Variants in CREB5 observed in about 807,000 individuals in gnomAD.
CREB5 encodes the protein cAMP responsive element binding protein 5.
Under a neutral mutation model 57.1 loss-of-function variants are expected in CREB5, and 19 were observed. That is an observed-to-expected ratio of 0.33 (90% CI 0.23 to 0.49). The LOEUF (loss-of-function observed/expected upper bound fraction) is 0.49, where lower values mean the gene tolerates loss of function less well. CREB5 is among the 20% of genes least tolerant of loss of function. The pLI is 0.99. For missense variants in CREB5, 579 were observed against 671.6 expected (o/e 0.86, Z 1.52); for synonymous variants, 238 against 238.3 (o/e 1.00, Z 0.01).
intron 4 of CREB5, 53 bp downstream of exon 4, chr7:28,507,790 G>A (rs1029667113): frequency 4.7e-5 from 73 of 1,552,454 alleles, no homozygotes; most frequent in South Asian, 1.4e-4. Flanking sequence ...AAACTTCCAC[G>A]AGGAAACTAG....
intron 1 of CREB5, among the ~76,000 whole-genome samples, chr7:28,481,879 G>C (rs1237084234): frequency 2.0e-5 from 3 of 152,152 alleles, no homozygotes; most frequent in Non-Finnish European, 4.4e-5. Context: ...CACAGAAAGA[G>C]AGAGAGACAC....
chr7:28,445,199 G>A (rs530326066), intron 1 of CREB5, among the ~76,000 whole-genome samples: 18 of 152,256 alleles, frequency 1.2e-4, no homozygotes, highest in African/African-American at 4.1e-4. Flanking sequence ...GTGGAACTGC[G>A]AGTCAATTAA....
chr7:28,487,506 A>T (rs890792916), intron 1 of CREB5, among the ~76,000 whole-genome samples: 2 of 152,058 alleles, frequency 1.3e-5, no homozygotes, highest in East Asian at 1.9e-4. Context: ...ATCCAACGTT[A>T]TGTTTTTGGC....
chr7:28,713,880 G>T (rs1219428208), intron 5 of CREB5, among the ~76,000 whole-genome samples: 1 of 151,856 alleles, frequency 6.6e-6, no homozygotes, highest in Non-Finnish European at 1.5e-5. Flanking sequence ...TTTTAATTCT[G>T]TTCTCCACCA....
chr7:28,798,963 A>T (rs1808212860), intron 7 of CREB5, among the ~76,000 whole-genome samples: 1 of 152,190 alleles, frequency 6.6e-6, no homozygotes, highest in African/African-American at 2.4e-5. Context: ...GCTTAGACCC[A>T]TTTACTGGTC....
chr7:28,366,753 C>T (rs1042470920), intron 1 of CREB5, among the ~76,000 whole-genome samples: 3 of 152,138 alleles, frequency 2.0e-5, no homozygotes, highest in Non-Finnish European at 4.4e-5. Flanking sequence ...CAGGTGATGT[C>T]CAATATTCGT....
chr7:28,769,570 G>A (rs778169545), intron 7 of CREB5, among the ~76,000 whole-genome samples: 2 of 152,210 alleles, frequency 1.3e-5, no homozygotes, highest in Non-Finnish European at 2.9e-5. Context: ...GCCCCAAGGT[G>A]TATGTCTTGT....
intron 4 of CREB5, among the ~76,000 whole-genome samples, chr7:28,520,413 C>G (rs1021804007): frequency 1.3e-5 from 2 of 152,158 alleles, no homozygotes; most frequent in African/African-American, 2.4e-5. Context: ...TATTTGCATT[C>G]TCCTTTCCTA....
intron 1 of CREB5, among the ~76,000 whole-genome samples, chr7:28,372,046 A>C (rs1786716721): frequency 2.0e-5 from 3 of 152,148 alleles, no homozygotes. Flanking sequence ...AGCCCAGAAC[A>C]AAGTCGAAAA....
chr7:28,598,641 T>C (rs1336684157), intron 5 of CREB5, among the ~76,000 whole-genome samples: 2 of 152,170 alleles, frequency 1.3e-5, no homozygotes, highest in Non-Finnish European at 2.9e-5. Context: ...AACCTAGAAC[T>C]AGTGACTGAA....
chr7:28,594,886 G>A (rs1218420965), intron 5 of CREB5, among the ~76,000 whole-genome samples: 1 of 151,994 alleles, frequency 6.6e-6, no homozygotes, highest in Non-Finnish European at 1.5e-5. Context: ...TTTTCTACAG[G>A]CCACTTCCAC....
At chr7:28,779,369 A>G (rs778857158) in intron 7 of CREB5, 1 of 152,240 alleles carries the variant, frequency 6.6e-6, no homozygotes, top group Non-Finnish European at 1.5e-5. Context: ...ATCTTTGGAT[A>G]TTTATCAACT....
chr7:28,465,173 C>T (rs1790513286), intron 1 of CREB5, among the ~76,000 whole-genome samples: 1 of 152,184 alleles, frequency 6.6e-6, no homozygotes, highest in Non-Finnish European at 1.5e-5. Context: ...GACCATGAGA[C>T]TCTAGTAGGT....
intron 5 of CREB5, among the ~76,000 whole-genome samples, chr7:28,642,550 C>T (rs1394502901): frequency 1.3e-5 from 2 of 152,162 alleles, no homozygotes; most frequent in Admixed American, 6.5e-5. Context: ...AAGGGCTTTT[C>T]TGCATGTTAA....
intron 1 of CREB5, among the ~76,000 whole-genome samples, chr7:28,441,786 G>T (rs1789194611): frequency 6.6e-6 from 1 of 152,098 alleles, no homozygotes; most frequent in African/African-American, 2.4e-5. Flanking sequence ...AGAAAAGCTG[G>T]AATATAAGTC....
intron 1 of CREB5, among the ~76,000 whole-genome samples, chr7:28,464,789 G>A (rs779555133): frequency 6.6e-6 from 1 of 151,766 alleles, no homozygotes; most frequent in Non-Finnish European, 1.5e-5. Context: ...TGCAGTTCTG[G>A]GTTCTTTGCA....
intron 7 of CREB5, among the ~76,000 whole-genome samples, chr7:28,773,192 C>CTGTT (rs573197008): frequency 7.6e-4 from 115 of 152,064 alleles, no homozygotes; most frequent in African/African-American, 2.7e-3. Flanking sequence ...CACTTTAAGA[C>CTGTT]TGTTTGTTTG....
intron 1 of CREB5, among the ~76,000 whole-genome samples, chr7:28,453,955 A>ATTTTTTTTTT (rs1562727062): frequency 2.7e-4 from 24 of 89,534 alleles, no homozygotes; most frequent in South Asian, 3.8e-4. Flanking sequence ...CTCCTCTCCA[A>ATTTTTTTTTT]TTCTTTTTTT....
chr7:28,344,393 T>G (rs973347458), intron 1 of CREB5, among the ~76,000 whole-genome samples: 8 of 152,244 alleles, frequency 5.3e-5, no homozygotes, highest in African/African-American at 1.9e-4. Context: ...CAGCACTATT[T>G]GTTGAAAAGA....
Sources: gnomAD v4.1 joint callset for allele counts (sites outside exome capture counted in the v4.1 genomes callset) on GRCh38, gnomAD v4.1.1 for gene constraint, MANE v1.5 for transcripts, NCBI Gene and HGNC (gene_info 2026-07-23, HGNC 2026-07-21) for gene names.